The following ANKRD28 variants were observed in gnomAD, a reference collection of about 807,000 sequenced individuals.
ANKRD28 encodes serine/threonine-protein phosphatase 6 regulatory ankyrin repeat subunit A.
A neutral mutation model predicts 126.5 loss-of-function variants in ANKRD28; 44 were observed. The observed-to-expected ratio is 0.35, with a 90% confidence interval of 0.27 to 0.45. ANKRD28 has a LOEUF of 0.45. Ranked by LOEUF, ANKRD28 falls within the 20% of genes least tolerant of loss-of-function variation. ANKRD28 has a pLI of 1.00. For missense variants in ANKRD28, 1,110 were observed against 1,316.6 expected, an observed-to-expected ratio of 0.84 and a Z score of 2.43; for synonymous variants, 442 against 468.5, an observed-to-expected ratio of 0.94 and a Z score of 0.73.
rs534188517 is a variant in ANKRD28 at position 15,692,076 on chromosome 3, G to C, written c.1762-1856C>G. Among the ~76,000 whole-genome samples, 3 of 151,406 alleles carry C rather than the reference G, an allele frequency of 2.0e-5. No homozygotes were observed. In the East Asian group the frequency reaches 5.8e-4, roughly 29 times the overall value. On this transcript the variant is annotated intron_variant, in intron 17 of 27. Transcript: ENST00000683139. The stretch of plus-strand genomic sequence containing the variant: ...TATCACTTGAGTCTAGGAGGTACAG[G>C]CTGCAGTGAGCTGGGAATGCACCAC...
Position 15,724,461 on chromosome 3 carries a change from T to A in ANKRD28, c.704A>T (p.Lys235Met), listed in dbSNP as rs1017190619. 6.3e-7 allele frequency: 1 copy of A among 1,598,446 alleles called. No homozygotes were observed. ...HGAEVTCKDK[K>M]SYTPLHAAAS... ...TGCTGCATGAAGAGGTGTATAAGAC[T>A]TTTTATCCTTGCATGTCACTTCAGC... Residue 235 changes from lysine to methionine, a missense_variant, in exon 7 of 28, where the codon AAG becomes ATG. Transcript: ENST00000683139.
chr3:15,686,157 A>G, intron 19 of ANKRD28, 38 bp from the exon 20 acceptor site: 1 of 1,600,644 alleles, frequency 6.2e-7, no homozygotes, highest in Non-Finnish European at 8.5e-7. Flanking sequence ...GCTGTCACTT[A>G]AGACTGTACT....
intron 14 of ANKRD28, chr3:15,697,237 A>T (rs2069735616): frequency 6.5e-6 from 1 of 152,776 alleles, no homozygotes; most frequent in Non-Finnish European, 1.5e-5. Flanking sequence ...AGCTATGAGG[A>T]GACGCGAAGG....
intron 27 of ANKRD28, among the ~76,000 whole-genome samples, chr3:15,672,500 C>A (rs536539325): frequency 2.0e-5 from 3 of 152,274 alleles, no homozygotes; most frequent in Non-Finnish European, 2.9e-5. Context: ...TCAAAGAGAA[C>A]AACTGATGTC....
chr3:15,766,980 C>T (rs2058768855), intron 2 of ANKRD28, among the ~76,000 whole-genome samples: 2 of 152,146 alleles, frequency 1.3e-5, no homozygotes, highest in South Asian at 4.2e-4. Context: ...ACAACAGTAC[C>T]CTTAGGGGCA....
At chr3:15,766,140 C>G in intron 3 of ANKRD28, 94 bp downstream of exon 3, 1 of 881,154 alleles carries the variant, frequency 1.1e-6, no homozygotes, top group Admixed American at 2.6e-5. Flanking sequence ...ATATGAACAA[C>G]AGGCCATGCA....
intron 1 of ANKRD28, among the ~76,000 whole-genome samples, chr3:15,848,812 A>AG (rs2061580047): frequency 6.6e-6 from 1 of 152,314 alleles, no homozygotes; most frequent in Non-Finnish European, 1.5e-5. Flanking sequence ...GAACAAGACA[A>AG]GGATGTCTAC....
At position 15,790,848 on chromosome 3, in the gene ANKRD28, T is replaced by C. The variant is rs116606663; in HGVS notation, c.201+4375A>G. ...CAAATTGGGAAGGAAGAAGTCAAATTATACCTGTTTGTTGGTGATATAATC... is the reference window on the plus strand; with the variant it reads ...CAAATTGGGAAGGAAGAAGTCAAATCATACCTGTTTGTTGGTGATATAATC... On this transcript the variant is annotated intron_variant, in intron 2 of 27. Transcript: ENST00000683139. Among the ~76,000 whole-genome samples the C allele has an allele frequency of 4.2e-3, 646 of 152,218 alleles. 5 individuals are homozygous for C. Among genetic ancestry groups the C allele is most frequent in the East Asian group, 0.019 (101 of 5,190 alleles).
At chr3:15,744,406 C>A (rs370877880) in intron 4 of ANKRD28, among the ~76,000 whole-genome samples, 105 of 151,888 alleles carry the variant, frequency 6.9e-4, no homozygotes, top group African/African-American at 2.5e-3. Flanking sequence ...GTCTGCCTCC[C>A]AGGTTCAAGC....
intron 3 of ANKRD28, among the ~76,000 whole-genome samples, chr3:15,753,930 G>T (rs1270192575): frequency 6.6e-6 from 1 of 152,140 alleles, no homozygotes; most frequent in East Asian, 1.9e-4. Flanking sequence ...GCAAGATAGT[G>T]AGACTCTGTC....
intron 3 of ANKRD28, among the ~76,000 whole-genome samples, chr3:15,764,615 C>A (rs1214898908): frequency 1.3e-5 from 2 of 151,730 alleles, no homozygotes; most frequent in Non-Finnish European, 1.5e-5. Context: ...AATCAGAATT[C>A]TGTGTTAAAA....
intron 3 of ANKRD28, 47 bp from the exon 4 acceptor site, chr3:15,751,867 T>C: frequency 3.2e-6 from 4 of 1,266,126 alleles, no homozygotes; most frequent in Non-Finnish European, 4.4e-6. Flanking sequence ...ACATAAAATA[T>C]TTTTAATAAA....
At chr3:15,748,854 T>C (rs958466397) in intron 4 of ANKRD28, among the ~76,000 whole-genome samples, 1 of 152,146 alleles carries the variant, frequency 6.6e-6, no homozygotes, top group African/African-American at 2.4e-5. Context: ...AAAATTAACA[T>C]AGTCCCAAAC....
intron 2 of ANKRD28, among the ~76,000 whole-genome samples, chr3:15,789,797 A>T (rs966189384): frequency 3.3e-5 from 5 of 152,058 alleles, no homozygotes; most frequent in African/African-American, 1.2e-4. Flanking sequence ...ATAATTTTTT[A>T]AAATTAAAGT....
intron 1 of ANKRD28, among the ~76,000 whole-genome samples, chr3:15,828,063 A>G: frequency 6.6e-6 from 1 of 152,186 alleles, no homozygotes; most frequent in East Asian, 1.9e-4. Flanking sequence ...AATTGTTAGT[A>G]GGTACTATGG....
intron 4 of ANKRD28, among the ~76,000 whole-genome samples, chr3:15,746,810 G>T (rs1475483855): frequency 6.6e-6 from 1 of 152,166 alleles, no homozygotes; most frequent in East Asian, 1.9e-4. Flanking sequence ...ATTCAGCTGT[G>T]AATCTATCCA....
At chr3:15,718,072 A>C (rs921468132) in intron 8 of ANKRD28, among the ~76,000 whole-genome samples, 6 of 152,206 alleles carry the variant, frequency 3.9e-5, no homozygotes, top group Non-Finnish European at 7.3e-5. Context: ...TCAATAACTT[A>C]ATAACACCGA....
rs1158587684 is a variant in ANKRD28, at chr3:15,796,414, T to A, written c.108A>T (p.Gly36=). 3.9e-6 allele frequency: 5 copies of A among 1,286,634 alleles called. No individual in the cohort carries two copies. The highest frequency in any genetic ancestry group is 1.5e-5 in the African/African-American group (1 of 65,764). The allele number at this position is 1,286,634 out of a possible 1,614,324, so 79.7% of individuals were successfully genotyped here. ...AACTTACATATCTTACCAATACATT[T>A]CCAGAAGGTGGAGAATGTAGGGATT... ...ENKSLHSPPS[G]NVLPSLVQAI... The change falls in exon 1 of 28, where the codon GGA becomes GGT. Residue 36 remains glycine, a synonymous_variant. Coordinates refer to ENST00000683139, the MANE Select transcript of ANKRD28 (RefSeq NM_001349278.2).
intron 27 of ANKRD28, 26 bp downstream of exon 27, chr3:15,675,872 G>A (rs750869728): frequency 1.3e-6 from 2 of 1,552,340 alleles, no homozygotes. Context: ...TCTAGGTTAA[G>A]GGAAGAGAAT....
Sources: allele counts gnomAD v4.1 joint callset (sites outside exome capture counted in the v4.1 genomes callset), GRCh38; gene constraint gnomAD v4.1.1; transcripts MANE v1.5; gene names NCBI Gene and HGNC (gene_info 2026-07-23, HGNC 2026-07-21).